The following HNMT variants were observed in gnomAD, a reference collection of about 807,000 sequenced individuals.
HNMT encodes histamine N-methyltransferase.
HNMT carries 30 observed loss-of-function variants against 32.1 expected under a neutral mutation model. The ratio of observed to expected loss-of-function variants is 0.93; its 90% CI spans 0.70 to 1.27. The LOEUF is 1.27. Among genes scored for constraint, HNMT ranks in the 50% most tolerant of loss-of-function variants. HNMT has a pLI of 0.00. For synonymous variants in HNMT, 125 were observed against 119.0 expected, an observed-to-expected ratio of 1.05 and a Z score of -0.33; for missense variants, 327 against 346.0, an observed-to-expected ratio of 0.95 and a Z score of 0.43.
chr2:137,984,108 C>G (rs1680582349), intron 2 of HNMT, among the ~76,000 whole-genome samples: 1 of 152,142 alleles, frequency 6.6e-6, no homozygotes. Context: ...CACAATTTTT[C>G]TGCCTTATAA....
intron 2 of HNMT, among the ~76,000 whole-genome samples, chr2:137,989,292 C>A (rs1680745195): frequency 1.3e-5 from 2 of 152,192 alleles, no homozygotes; most frequent in South Asian, 4.1e-4. Context: ...ATAATTTTGT[C>A]TTTTCCAGAA....
chr2:137,987,148 C>T (rs535992413), intron 2 of HNMT, among the ~76,000 whole-genome samples: 35 of 152,230 alleles, frequency 2.3e-4, no homozygotes, highest in African/African-American at 8.4e-4. Flanking sequence ...CTTAATAGGG[C>T]TTTTGTTAAC....
intron 2 of HNMT, chr2:137,988,598 G>A (rs944733803): frequency 1.3e-5 from 2 of 152,050 alleles, no homozygotes; most frequent in African/African-American, 4.8e-5. Flanking sequence ...TTGTTGGCCG[G>A]ACGTGGTTAC....
intron 5 of HNMT, among the ~76,000 whole-genome samples, chr2:138,007,593 G>C (rs949593223): frequency 6.6e-6 from 1 of 151,890 alleles, no homozygotes; most frequent in African/African-American, 2.4e-5. Context: ...TACTCCTGAG[G>C]GTTCCTGGGG....
At chr2:137,966,521 C>T (rs1679961702) in intron 1 of HNMT, among the ~76,000 whole-genome samples, 1 of 152,078 alleles carries the variant, frequency 6.6e-6, no homozygotes, top group South Asian at 2.1e-4. Context: ...TGTTATTTTG[C>T]CTATGTACAT....
chr2:138,014,272 T>TG lies in HNMT; in HGVS notation c.*142_*143insG. On this transcript the variant is annotated 3_prime_UTR_variant, in exon 6 of 6. Transcript: ENST00000280097. ...ATGAGATGTAGCAAATTCCAATACATTATTGGACTTCCATTTGGAATCATA... is the reference window on the plus strand; with the variant it reads ...ATGAGATGTAGCAAATTCCAATACATGTATTGGACTTCCATTTGGAATCATA... The TG allele has an allele frequency of 1.6e-6, 1 of 607,090 alleles. No homozygotes were observed. Among genetic ancestry groups the TG allele is most frequent in the Non-Finnish European group, 2.9e-6 (1 of 350,280 alleles). 37.6% of individuals were successfully genotyped at this position (607,090 alleles called of 1,614,324 possible).
rs747803889 is a variant in HNMT, at chr2:138,014,146, G to A, written c.*16G>A. On this transcript the variant is annotated 3_prime_UTR_variant, in exon 6 of 6. Transcript: ENST00000280097. ...TGAGGCATAACTATCAATCACAAAA[G>A]TATATTCAAAAATTATATTTTGAAC... The A allele has an allele frequency of 2.9e-6, 4 of 1,400,114 alleles. No individual in the cohort carries two copies. The highest frequency in any genetic ancestry group is 2.9e-5 in the African/African-American group (2 of 69,236). 86.7% of individuals were successfully genotyped at this position (1,400,114 alleles called of 1,614,324 possible). A position where few individuals can be genotyped will look rare whatever the true frequency, so the allele number is the denominator to read the frequency against.
chr2:137,987,060 C>T (rs1680671457), intron 2 of HNMT, among the ~76,000 whole-genome samples: 1 of 152,144 alleles, frequency 6.6e-6, no homozygotes, highest in Admixed American at 6.6e-5. Flanking sequence ...TTTGTTTAAT[C>T]ATCAAAATTA....
At chr2:137,970,514 C>A (rs1243493737) in intron 2 of HNMT, among the ~76,000 whole-genome samples, 1 of 152,090 alleles carries the variant, frequency 6.6e-6, no homozygotes, top group Non-Finnish European at 1.5e-5. Flanking sequence ...GATTAAAATA[C>A]TCACAGAAAA....
intron 1 of HNMT, among the ~76,000 whole-genome samples, chr2:137,965,822 TC>T (rs563815694): frequency 8.5e-4 from 130 of 152,338 alleles, no homozygotes; most frequent in African/African-American, 2.9e-3. Context: ...TCCTTGGTTT[TC>T]TTCAGCCATA....
intron 2 of HNMT, among the ~76,000 whole-genome samples, chr2:137,975,609 TC>T (rs1317845819): frequency 1.3e-5 from 2 of 152,186 alleles, no homozygotes; most frequent in Non-Finnish European, 2.9e-5. Context: ...TAACCTTGTC[TC>T]CTTTCATAAA....
chr2:138,012,844 A>G (rs1681549832), intron 5 of HNMT, among the ~76,000 whole-genome samples: 1 of 151,978 alleles, frequency 6.6e-6, no homozygotes, highest in Non-Finnish European at 1.5e-5. Flanking sequence ...TATAACACAT[A>G]AAAACTCCCA....
chr2:137,976,266 AAAAAAACAAAAAAC>A lies in HNMT; in HGVS notation c.190+6056_190+6069del, dbSNP rs1366794447. 3.9e-4 allele frequency among the ~76,000 whole-genome samples: 7 copies of A among 17,854 alleles called. No homozygotes were observed. The East Asian group carries it at 0.025, about 63-fold the overall frequency. 11.7% of individuals were successfully genotyped at this position (17,854 alleles called of 152,430 possible). A position where few individuals can be genotyped will look rare whatever the true frequency, so the allele number is the denominator to read the frequency against. On this transcript the variant is annotated intron_variant, in intron 2 of 5. Coordinates refer to ENST00000280097, the MANE Select transcript of HNMT (RefSeq NM_006895.3). ...GGGGGACAGAGCAAGACTCCATCTC[AAAAAAACAAAAAAC>A]AAAAAAAAAAAAACCTGTCTATAAA...
chr2:138,005,244 G>T lies in HNMT; in HGVS notation c.523+19G>T. 7.3e-7 allele frequency: 1 copy of T among 1,368,980 alleles called. No homozygotes were observed. The highest frequency in any genetic ancestry group is 1.0e-6 in the Non-Finnish European group (1 of 958,628). The allele number at this position is 1,368,980 out of a possible 1,614,324, so 84.8% of individuals were successfully genotyped here. ...GTGTCAGGTAAGTTATTTTCATTCA[G>T]CCTGAATTTTAAAACAGCAATAATA... is the stretch of plus-strand genomic sequence containing the variant. On this transcript the variant is annotated intron_variant, in intron 5 of 5. Transcript: ENST00000280097.
intron 2 of HNMT, among the ~76,000 whole-genome samples, chr2:137,979,965 C>T (rs1050503015): frequency 2.0e-5 from 3 of 152,068 alleles, no homozygotes; most frequent in Admixed American, 6.5e-5. Flanking sequence ...CAGCTGAAGC[C>T]CAAAGCACTG....
chr2:137,971,915 C>T (rs553049982), intron 2 of HNMT, among the ~76,000 whole-genome samples: 55 of 151,848 alleles, frequency 3.6e-4, no homozygotes, highest in African/African-American at 1.3e-3. Flanking sequence ...AGTGATAGTT[C>T]AGTAATGGTT....
chr2:137,980,855 G>A (rs1680472098), intron 2 of HNMT, among the ~76,000 whole-genome samples: 1 of 152,098 alleles, frequency 6.6e-6, no homozygotes, highest in South Asian at 2.1e-4. Context: ...GAGGGAGATA[G>A]AGAGAGAAAA....
intron 2 of HNMT, chr2:137,988,576 A>G (rs955835216): frequency 9.9e-5 from 15 of 152,244 alleles, no homozygotes; most frequent in Admixed American, 6.5e-4. Flanking sequence ...CAAGAGGATT[A>G]TATACATCTT....
At chr2:137,991,703 T>A (rs1412746863) in intron 2 of HNMT, 1 of 152,178 alleles carries the variant, frequency 6.6e-6, no homozygotes, top group African/African-American at 2.4e-5. Context: ...TATATGTATG[T>A]AAATAGATAG....
Sources: gnomAD v4.1 joint callset for allele counts (sites outside exome capture counted in the v4.1 genomes callset) on GRCh38, gnomAD v4.1.1 for gene constraint, MANE v1.5 for transcripts, NCBI Gene and HGNC (gene_info 2026-07-23, HGNC 2026-07-21) for gene names.